The following GMCL1 variants were observed in gnomAD, a reference collection of about 807,000 sequenced individuals.
GMCL1 encodes the protein germ cell-less 1, spermatogenesis associated, also known as germ cell-less protein-like 1.
Under a neutral mutation model 75.5 loss-of-function variants are expected in GMCL1, and 54 were observed. That is an observed-to-expected ratio of 0.71 (90% CI 0.57 to 0.90). The LOEUF is 0.90. Ranked by LOEUF, GMCL1 falls within the 40% of genes least tolerant of loss-of-function variation. The pLI is 0.00. For synonymous variants in GMCL1, 210 were observed against 209.6 expected (o/e 1.00, Z -0.02); for missense variants, 537 against 622.7 (o/e 0.86, Z 1.47).
rs1676233774 is a variant in GMCL1, at chr2:69,879,960, A to G, written c.*956A>G. 1 of 152,206 alleles carries G rather than the reference A, an allele frequency of 6.6e-6. No individual in the cohort carries two copies. The highest frequency in any genetic ancestry group is 1.5e-5 in the Non-Finnish European group (1 of 68,020). 9.4% of individuals were successfully genotyped at this position (152,206 alleles called of 1,614,324 possible). On this transcript the variant is annotated 3_prime_UTR_variant, in exon 14 of 14. Transcript: ENST00000282570. The stretch of plus-strand genomic sequence containing the variant: ...TCTGAATTGAGTGCCTTTGAGTGAC[A>G]CATGCTAATAGAAATTTCATAGTAA...
At chr2:69,853,077 C>T (rs1675365670) in intron 8 of GMCL1, among the ~76,000 whole-genome samples, 1 of 152,202 alleles carries the variant, frequency 6.6e-6, no homozygotes, top group Admixed American at 6.5e-5. Flanking sequence ...GTCTCTTCTA[C>T]AGCCGTGACG....
intron 8 of GMCL1, 97 bp from the exon 9 acceptor site, chr2:69,854,726 C>T: frequency 1.1e-6 from 1 of 924,644 alleles, no homozygotes; most frequent in Non-Finnish European, 1.6e-6. Context: ...ATTTTGTATT[C>T]TAATAGACAT....
chr2:69,862,695 G>T (rs1003075100), intron 10 of GMCL1, among the ~76,000 whole-genome samples: 4 of 151,926 alleles, frequency 2.6e-5, no homozygotes, highest in African/African-American at 9.7e-5. Context: ...GGAGGCGGAA[G>T]TTGCAGTGAG....
chr2:69,837,614 A>G lies in GMCL1; in HGVS notation c.328A>G (p.Ile110Val), dbSNP rs769161280. 1.2e-6 allele frequency: 2 copies of G among 1,606,776 alleles called. No homozygotes were observed. Among genetic ancestry groups the G allele is most frequent in the South Asian group, 2.3e-5 (2 of 88,888 alleles). The change falls in exon 2 of 14, where the codon ATT becomes GTT. Residue 110 changes from isoleucine (I) to valine (V), a missense_variant. By Grantham distance (29) the Ile-to-Val change is conservative (BLOSUM62 3). Coordinates refer to ENST00000282570, the MANE Select transcript of GMCL1 (RefSeq NM_178439.5). Reference sequence around the variant, plus strand: ...ATTTTTGAATGGTGAAAACAGTGACATTAAGATTTGTGCTCTAGGAGAAGA... The same window carrying G: ...ATTTTTGAATGGTGAAAACAGTGACGTTAAGATTTGTGCTCTAGGAGAAGA... ...TLFLNGENSD[I>V]KICALGEEWS...
In GMCL1 at chr2:69,871,787, T is replaced by C. The variant is rs778754501; in HGVS notation, c.1407T>C (p.Cys469=). ...TTGATAGTAGTGGAAAACTAATATG[T>C]AGTAGAACAACTGGCTATCAAATAC... ...ASFDSSGKLI[C]SRTTGYQILT... Residue 469 remains cysteine (C), a synonymous_variant, in exon 13 of 14, where the codon TGT becomes TGC. Coordinates refer to ENST00000282570, the MANE Select transcript of GMCL1 (RefSeq NM_178439.5). 3 of 1,594,286 alleles carry C rather than the reference T, an allele frequency of 1.9e-6. No homozygotes were observed. Among genetic ancestry groups the C allele is most frequent in the Non-Finnish European group, 2.6e-6 (3 of 1,167,966 alleles).
intron 8 of GMCL1, among the ~76,000 whole-genome samples, chr2:69,852,604 T>A (rs992238471): frequency 6.6e-6 from 1 of 151,922 alleles, no homozygotes; most frequent in Non-Finnish European, 1.5e-5. Flanking sequence ...AGTGGTGCGA[T>A]CTTGGCTCAG....
intron 13 of GMCL1, among the ~76,000 whole-genome samples, chr2:69,875,011 C>A (rs1676087798): frequency 6.6e-6 from 1 of 152,160 alleles, no homozygotes; most frequent in African/African-American, 2.4e-5. Flanking sequence ...TCCCAAAGTG[C>A]TGGGATTACA....
rs769986066 is a variant in GMCL1, at chr2:69,841,059, G to A, written c.579+20G>A. On this transcript the variant is annotated intron_variant, in intron 4 of 13. Coordinates refer to ENST00000282570, the MANE Select transcript of GMCL1 (RefSeq NM_178439.5). ...CAGTTGGTAAGTATGCACGTTATTC[G>A]AAGAAAGGTTCAGAATAATAATCTT... 6.4e-6 allele frequency: 10 copies of A among 1,552,428 alleles called. No individual in the cohort carries two copies. Among genetic ancestry groups the A allele is most frequent in the Middle Eastern group, 1.7e-4 (1 of 5,952 alleles).
In GMCL1 at chr2:69,879,952, T is replaced by C. The variant is rs991508039; in HGVS notation, c.*948T>C. Reference sequence around the variant, plus strand: ...TTTTACCCTCTGAATTGAGTGCCTTTGAGTGACACATGCTAATAGAAATTT... The same window carrying C: ...TTTTACCCTCTGAATTGAGTGCCTTCGAGTGACACATGCTAATAGAAATTT... On this transcript the variant is annotated 3_prime_UTR_variant, in exon 14 of 14. Coordinates refer to ENST00000282570, the MANE Select transcript of GMCL1 (RefSeq NM_178439.5). 6.6e-6 allele frequency: 1 copy of C among 152,210 alleles called. No individual in the cohort carries two copies. The highest frequency in any genetic ancestry group is 1.5e-5 in the Non-Finnish European group (1 of 68,022). 9.4% of individuals were successfully genotyped at this position (152,210 alleles called of 1,614,324 possible). A position where few individuals can be genotyped will look rare whatever the true frequency, so the allele number is the denominator to read the frequency against.
rs1558548490 is a variant in GMCL1, at chr2:69,863,704, T to TA, written c.1143-1195dup. ...ACAGAATAAATGCTTGGGAACTTGT[T>TA]ACCTACAAGAGCAGTTGAAACTTTT... On this transcript the variant is annotated intron_variant, in intron 10 of 13. Transcript: ENST00000282570. Among the ~76,000 whole-genome samples the TA allele has an allele frequency of 2.0e-5, 3 of 152,216 alleles. No homozygotes were observed. In the South Asian group the frequency reaches 6.2e-4, roughly 32 times the overall value.
intron 10 of GMCL1, among the ~76,000 whole-genome samples, chr2:69,861,566 GC>G (rs1443037825): frequency 1.3e-5 from 2 of 151,998 alleles, no homozygotes; most frequent in East Asian, 3.8e-4. Context: ...AATGTCATTT[GC>G]TTTATTAGTA....
At chr2:69,867,444 C>A (rs912185057) in intron 11 of GMCL1, among the ~76,000 whole-genome samples, 4 of 152,176 alleles carry the variant, frequency 2.6e-5, no homozygotes, top group African/African-American at 9.7e-5. Flanking sequence ...CGTTTTCAGA[C>A]CCCACCTCGT....
intron 1 of GMCL1, among the ~76,000 whole-genome samples, chr2:69,832,875 G>A (rs1573337349): frequency 6.6e-6 from 1 of 152,308 alleles, no homozygotes; most frequent in East Asian, 1.9e-4. Context: ...AAAACGCTAA[G>A]GTAAAGAGAT....
At chr2:69,877,089 C>A (rs1676148011) in intron 13 of GMCL1, among the ~76,000 whole-genome samples, 1 of 152,186 alleles carries the variant, frequency 6.6e-6, no homozygotes, top group Non-Finnish European at 1.5e-5. Context: ...GAAGTTGCTG[C>A]TGCTCTGCTG....
chr2:69,869,019 G>A (rs1447632400), intron 11 of GMCL1, among the ~76,000 whole-genome samples: 2 of 151,594 alleles, frequency 1.3e-5, no homozygotes, highest in Admixed American at 6.6e-5. Flanking sequence ...TTGGGAGGCC[G>A]AGGCGGGCGG....
chr2:69,873,980 T>C (rs1457735158), intron 13 of GMCL1, among the ~76,000 whole-genome samples: 1 of 151,518 alleles, frequency 6.6e-6, no homozygotes, highest in Admixed American at 6.6e-5. Flanking sequence ...TGTACATAGC[T>C]TTTTTTGGTC....
chr2:69,866,458 A>G (rs369514065), intron 11 of GMCL1, among the ~76,000 whole-genome samples: 7 of 151,918 alleles, frequency 4.6e-5, no homozygotes, highest in African/African-American at 1.7e-4. Flanking sequence ...TTAAAAGTTG[A>G]TTATTTTACG....
chr2:69,856,657 T>G (rs1403076785), intron 9 of GMCL1, among the ~76,000 whole-genome samples: 3 of 147,032 alleles, frequency 2.0e-5, no homozygotes, highest in African/African-American at 7.5e-5. Flanking sequence ...TTTTTTTTTT[T>G]TTTTTTTTTT....
rs952964933 is a variant in GMCL1 at position 69,879,944 on chromosome 2, A to G, written c.*940A>G. 6.6e-6 allele frequency: 1 copy of G among 152,182 alleles called. No individual in the cohort carries two copies. The allele number at this position is 152,182 out of a possible 1,614,324, so 9.4% of individuals were successfully genotyped here. A position where few individuals can be genotyped will look rare whatever the true frequency, so the allele number is the denominator to read the frequency against. On this transcript the variant is annotated 3_prime_UTR_variant, in exon 14 of 14. Transcript: ENST00000282570. ...TCAGGACTTTTTACCCTCTGAATTG[A>G]GTGCCTTTGAGTGACACATGCTAAT...
Sources: allele counts gnomAD v4.1 joint callset (sites outside exome capture counted in the v4.1 genomes callset), GRCh38; gene constraint gnomAD v4.1.1; transcripts MANE v1.5; gene names NCBI Gene and HGNC (gene_info 2026-07-23, HGNC 2026-07-21).